DCDC2C: variants seen among roughly 807,000 people sequenced by gnomAD.
DCDC2C encodes doublecortin domain containing 2C.
DCDC2C carries 44 observed loss-of-function variants against 45.0 expected under a neutral mutation model. The ratio of observed to expected loss-of-function variants is 0.98; its 90% CI spans 0.77 to 1.26. The LOEUF (loss-of-function observed/expected upper bound fraction) is 1.26, where lower values mean the gene tolerates loss of function less well. Among genes scored for constraint, DCDC2C ranks in the 50% most tolerant of loss-of-function variants. The pLI, the probability that DCDC2C is intolerant of heterozygous loss-of-function variation, is 0.00. For synonymous variants in DCDC2C, 187 were observed against 178.8 expected (o/e 1.05, Z -0.37); for missense variants, 447 against 468.9 (o/e 0.95, Z 0.43).
intron 10 of DCDC2C, among the ~76,000 whole-genome samples, chr2:3,841,462 T>TA (rs3067132): frequency 6.3e-5 from 2 of 31,806 alleles, no homozygotes; most frequent in Non-Finnish European, 1.6e-4. Flanking sequence ...ATCCTAAATC[T>TA]TTTTAATTCT....
intron 9 of DCDC2C, among the ~76,000 whole-genome samples, chr2:3,782,859 C>T (rs1028708724): frequency 7.2e-5 from 11 of 152,196 alleles, no homozygotes; most frequent in Middle Eastern, 3.2e-3. Context: ...GTTTAATTTA[C>T]GCTACCTGCA....
intron 6 of DCDC2C, 93 bp from the exon 7 acceptor site, chr2:3,767,661 C>T (rs1670049011): frequency 7.0e-7 from 1 of 1,428,336 alleles, no homozygotes; most frequent in East Asian, 2.6e-5. Context: ...CTCTGAGGAA[C>T]TTGTGTCTTC....
At chr2:3,767,282 C>T (rs986206988) in intron 6 of DCDC2C, among the ~76,000 whole-genome samples, 6 of 152,200 alleles carry the variant, frequency 3.9e-5, no homozygotes, top group African/African-American at 1.4e-4. Flanking sequence ...ATTGCAACCC[C>T]AAAGTAAACC....
At chr2:3,725,197 G>C (rs561895655) in intron 2 of DCDC2C, among the ~76,000 whole-genome samples, 4 of 152,280 alleles carry the variant, frequency 2.6e-5, no homozygotes, top group African/African-American at 9.6e-5. Context: ...CTTAGTGCCG[G>C]CGGGGGCGAT....
In DCDC2C at chr2:3,772,916, C is replaced by A. The variant is rs200404426; in HGVS notation, c.954+3505C>A. Among the ~76,000 whole-genome samples the A allele has an allele frequency of 3.7e-4, 56 of 152,230 alleles. 3 individuals are homozygous for A. In the South Asian group the frequency reaches 0.011, roughly 31 times the overall value. Reference sequence around the variant, plus strand: ...TCATTCTTGTAGCACAAACTTGACACGGAGACTCTCACAGAGTTCTGTGGG... The same window carrying A: ...TCATTCTTGTAGCACAAACTTGACAAGGAGACTCTCACAGAGTTCTGTGGG... On this transcript the variant is annotated intron_variant, in intron 8 of 10. Coordinates refer to ENST00000399143, the MANE Select transcript of DCDC2C (RefSeq NM_001287444.2).
At chr2:3,803,494 C>T (rs547395431) in intron 10 of DCDC2C, among the ~76,000 whole-genome samples, 9 of 152,376 alleles carry the variant, frequency 5.9e-5, no homozygotes, top group Admixed American at 5.2e-4. Flanking sequence ...TTGTTTGTCC[C>T]ACTTCTGTTT....
intron 10 of DCDC2C, among the ~76,000 whole-genome samples, chr2:3,830,011 A>G (rs1457634250): frequency 6.6e-6 from 1 of 152,224 alleles, no homozygotes; most frequent in African/African-American, 2.4e-5. Context: ...GGGCATCTGA[A>G]TGTTAGTGCC....
chr2:3,735,854 A>T (rs1245486370), intron 3 of DCDC2C, among the ~76,000 whole-genome samples: 1 of 151,122 alleles, frequency 6.6e-6, no homozygotes, highest in East Asian at 1.9e-4. Flanking sequence ...GGATCAGCTG[A>T]TATATGTTTT....
rs145949371 is a variant in DCDC2C, at chr2:3,831,103, C to T, written c.1066-16051C>T. Among the ~76,000 whole-genome samples the T allele has an allele frequency of 2.1e-4, 32 of 152,108 alleles. No individual in the cohort carries two copies. In the East Asian group the frequency reaches 6.0e-3, roughly 29 times the overall value. On this transcript the variant is annotated intron_variant, in intron 10 of 10. Transcript: ENST00000399143. ...GTGTGCTTTGGACATATGACTGCAC[C>T]GAGAAGGAACATTTCCTTTGCCTTC...
chr2:3,711,166 A>C (rs1297184037), intron 2 of DCDC2C, among the ~76,000 whole-genome samples: 1 of 152,254 alleles, frequency 6.6e-6, no homozygotes, highest in Non-Finnish European at 1.5e-5. Flanking sequence ...GTTGTGGAGA[A>C]AGAGAACACT....
At chr2:3,795,256 CTGGATATTAGCCCTT>C (rs993439864) in intron 10 of DCDC2C, among the ~76,000 whole-genome samples, 140 of 151,688 alleles carry the variant, frequency 9.2e-4, no homozygotes, top group African/African-American at 3.2e-3. Context: ...ATTGTAGATT[CTGGATATTAGCCCTT>C]TGTCAGATGA....
At chr2:3,706,553 C>CAT (rs1553369021) in intron 1 of DCDC2C, among the ~76,000 whole-genome samples, 3 of 151,528 alleles carry the variant, frequency 2.0e-5, no homozygotes, top group Admixed American at 6.6e-5. Context: ...CATGTGTGTG[C>CAT]GTGTGTGTGT....
chr2:3,781,021 G>C (rs572364800), intron 9 of DCDC2C, among the ~76,000 whole-genome samples: 2 of 152,246 alleles, frequency 1.3e-5, no homozygotes, highest in Non-Finnish European at 2.9e-5. Context: ...TGGCTCAAGT[G>C]TTTCAGTTCT....
intron 3 of DCDC2C, among the ~76,000 whole-genome samples, chr2:3,727,850 C>A (rs1022010241): frequency 2.6e-5 from 4 of 152,200 alleles, no homozygotes; most frequent in Admixed American, 6.5e-5. Flanking sequence ...ATGCAGCACA[C>A]TGTGGTGAGG....
intron 8 of DCDC2C, among the ~76,000 whole-genome samples, chr2:3,773,655 G>A (rs188861640): frequency 2.6e-5 from 4 of 152,328 alleles, no homozygotes; most frequent in Admixed American, 2.6e-4. Flanking sequence ...ATTTAGTTTT[G>A]TAACTACTTT....
At chr2:3,729,296 G>A (rs1362015522) in intron 3 of DCDC2C, among the ~76,000 whole-genome samples, 1 of 152,214 alleles carries the variant, frequency 6.6e-6, no homozygotes. Flanking sequence ...GAGGAGGCAC[G>A]TTTGTGCCAG....
At chr2:3,704,196 C>A (rs1235424086) in intron 1 of DCDC2C, 158 bp downstream of exon 1, 1 of 655,198 alleles carries the variant, frequency 1.5e-6, no homozygotes, top group Non-Finnish European at 2.2e-6. Context: ...GGCGTCGGGC[C>A]GCCCCAGGCC....
chr2:3,763,852 T>C (rs888513058), intron 6 of DCDC2C, among the ~76,000 whole-genome samples: 13 of 152,202 alleles, frequency 8.5e-5, no homozygotes, highest in African/African-American at 2.9e-4. Flanking sequence ...TCTTTAGTCA[T>C]GTATTTTCCA....
intron 3 of DCDC2C, among the ~76,000 whole-genome samples, chr2:3,739,965 TGG>T: frequency 6.6e-6 from 1 of 152,036 alleles, no homozygotes; most frequent in South Asian, 2.1e-4. Flanking sequence ...TTTTGAGCAG[TGG>T]GGCACTGAAG....
Sources: allele counts gnomAD v4.1 joint callset (sites outside exome capture counted in the v4.1 genomes callset), GRCh38; gene constraint gnomAD v4.1.1; transcripts MANE v1.5; gene names NCBI Gene and HGNC (gene_info 2026-07-23, HGNC 2026-07-21).